The following TTLL7 variants were observed in gnomAD, a reference collection of about 807,000 sequenced individuals.
TTLL7 encodes tubulin polyglutamylase TTLL7.
In TTLL7, 53 loss-of-function variants were observed where a neutral mutation model predicts 120.2. That is an observed-to-expected ratio of 0.44 (90% CI 0.35 to 0.55). The LOEUF is 0.55. TTLL7 is among the 20% of genes least tolerant of loss of function. TTLL7 has a pLI of 0.00. For missense variants in TTLL7, 803 were observed against 1,054.7 expected (o/e 0.76, Z 3.31); for synonymous variants, 353 against 351.7 (o/e 1.00, Z -0.04).
chr1:83,977,352 C>G, intron 1 of TTLL7, among the ~76,000 whole-genome samples: 1 of 152,094 alleles, frequency 6.6e-6, no homozygotes, highest in East Asian at 1.9e-4. Context: ...TTTTAGGAAT[C>G]CAGGTGAAAC....
intron 1 of TTLL7, among the ~76,000 whole-genome samples, chr1:83,989,762 G>C (rs1470143488): frequency 6.6e-6 from 1 of 152,066 alleles, no homozygotes; most frequent in Non-Finnish European, 1.5e-5. Context: ...GACTGCTTTG[G>C]GCAGTATGGC....
At chr1:83,947,933 T>C (rs1184308416) in intron 5 of TTLL7, among the ~76,000 whole-genome samples, 3 of 152,152 alleles carry the variant, frequency 2.0e-5, no homozygotes, top group Admixed American at 1.3e-4. Context: ...CAAAAAACCC[T>C]AGTCAACAGG....
At chr1:83,892,610 ATG>A (rs1429427923) in intron 18 of TTLL7, among the ~76,000 whole-genome samples, 15 of 143,592 alleles carry the variant, frequency 1.0e-4, no homozygotes, top group African/African-American at 3.8e-4. Context: ...GAACATATAT[ATG>A]AACATATATA....
At chr1:83,933,887 C>A in intron 8 of TTLL7, 121 bp from the exon 9 acceptor site, 1 of 835,012 alleles carries the variant, frequency 1.2e-6, no homozygotes, top group East Asian at 2.6e-5. Context: ...GGCATCTAGC[C>A]CCTGCCACTG....
rs151046685 is a variant in TTLL7, at chr1:83,951,392, T to C, written c.157+453A>G. ...ATGTAATGTGTTACTTAAATTTGGG[T>C]ATTTATGTATACACAAACCCATGAG... On this transcript the variant is annotated intron_variant, in intron 3 of 20. Transcript: ENST00000260505. 2.8e-4 allele frequency among the ~76,000 whole-genome samples: 42 copies of C among 151,788 alleles called. No individual in the cohort carries two copies. The East Asian group carries it at 7.6e-3, about 27-fold the overall frequency.
chr1:83,875,261 T>A (rs1339257810), intron 20 of TTLL7, among the ~76,000 whole-genome samples: 1 of 151,954 alleles, frequency 6.6e-6, no homozygotes, highest in African/African-American at 2.4e-5. Flanking sequence ...GTTTTGCCTG[T>A]TTTTGATTTT....
At chr1:83,965,088 G>C (rs577505398) in intron 1 of TTLL7, among the ~76,000 whole-genome samples, 9 of 147,792 alleles carry the variant, frequency 6.1e-5, no homozygotes, top group Admixed American at 4.1e-4. Flanking sequence ...TTCTGAAAGA[G>C]GTCATCAATC....
intron 1 of TTLL7, among the ~76,000 whole-genome samples, chr1:83,962,590 C>T (rs1183763216): frequency 3.3e-5 from 5 of 152,106 alleles, no homozygotes; most frequent in Non-Finnish European, 5.9e-5. Flanking sequence ...TAATAAAACA[C>T]CTATTCCATT....
Position 83,919,689 on chromosome 1 carries a change from A to G in TTLL7, c.1500+10T>C. ...TTCTTTTTTCTCTATATAAACATTC[A>G]TTCTCTTACCTTCATCCTTTTCAAA... On this transcript the variant is annotated intron_variant, in intron 13 of 20. Coordinates refer to ENST00000260505, the MANE Select transcript of TTLL7 (RefSeq NM_024686.6). 6.2e-7 allele frequency: 1 copy of G among 1,605,008 alleles called. No homozygotes were observed. Among genetic ancestry groups the G allele is most frequent in the African/African-American group, 1.3e-5 (1 of 74,468 alleles).
At chr1:83,880,095 T>C (rs1162485994) in intron 20 of TTLL7, 1 of 152,000 alleles carries the variant, frequency 6.6e-6, no homozygotes, top group African/African-American at 2.4e-5. Context: ...AGAAGGCTCT[T>C]CATTTATATG....
chr1:83,995,743 A>G (rs1353974612), intron 1 of TTLL7, among the ~76,000 whole-genome samples: 6 of 152,136 alleles, frequency 3.9e-5, no homozygotes, highest in Non-Finnish European at 8.8e-5. Flanking sequence ...CAGAAATTTT[A>G]TTTCTGAGAC....
intron 1 of TTLL7, among the ~76,000 whole-genome samples, chr1:83,952,605 C>T (rs1273735408): frequency 6.6e-6 from 1 of 152,086 alleles, no homozygotes; most frequent in African/African-American, 2.4e-5. Flanking sequence ...TATTAAGTCA[C>T]GTGTCACATG....
chr1:83,925,583 A>G (rs1015204733), intron 10 of TTLL7, among the ~76,000 whole-genome samples: 1 of 152,220 alleles, frequency 6.6e-6, no homozygotes, highest in Non-Finnish European at 1.5e-5. Flanking sequence ...ATAAAGTGAT[A>G]GTCAGAAATT....
At position 83,906,312 on chromosome 1, in the gene TTLL7, A is replaced by C. The variant is rs200001854; in HGVS notation, c.2127+17T>G. 2 of 1,601,688 alleles carry C rather than the reference A, an allele frequency of 1.2e-6. No homozygotes were observed. Among genetic ancestry groups the C allele is most frequent in the South Asian group, 1.1e-5 (1 of 88,658 alleles). On this transcript the variant is annotated intron_variant, in intron 17 of 20. Transcript: ENST00000260505. ...AGGTACCAGCTCCTTGGCATTTTAGATACATCACATACTCACATCTTCTAT... is the reference window on the plus strand; with the variant it reads ...AGGTACCAGCTCCTTGGCATTTTAGCTACATCACATACTCACATCTTCTAT...
chr1:83,921,325 A>C lies in TTLL7; in HGVS notation c.1212T>G (p.Asn404Lys). 1 of 1,612,728 alleles carries C rather than the reference A, an allele frequency of 6.2e-7. No individual in the cohort carries two copies. The highest frequency in any genetic ancestry group is 8.5e-7 in the Non-Finnish European group (1 of 1,179,768). The change falls in exon 11 of 21, where the codon AAT becomes AAG. Residue 404 changes from asparagine to lysine, a missense_variant. Physicochemically the swap from Asn to Lys is moderately conservative, Grantham distance 94. Coordinates refer to ENST00000260505, the MANE Select transcript of TTLL7 (RefSeq NM_024686.6). ...AEAQRRLYGQ[N>K]SIKRLLPGSS... ...AGCCTGGTAAGAGCCTTTTAATTGA[A>C]TTTTGACCATAGAGCCTCCTTTGAG...
intron 5 of TTLL7, 196 bp from the exon 6 acceptor site, chr1:83,947,478 C>G: frequency 2.2e-6 from 1 of 448,594 alleles, no homozygotes; most frequent in South Asian, 3.8e-5. Flanking sequence ...ACTATGGATT[C>G]ATCAGTGAAA....
intron 1 of TTLL7, among the ~76,000 whole-genome samples, chr1:83,968,775 T>C (rs940319304): frequency 1.3e-5 from 2 of 152,030 alleles, no homozygotes; most frequent in Non-Finnish European, 2.9e-5. Flanking sequence ...AAATAGAATT[T>C]TCCTTCACCA....
intron 18 of TTLL7, among the ~76,000 whole-genome samples, chr1:83,896,832 A>G (rs1216518879): frequency 6.6e-6 from 1 of 152,112 alleles, no homozygotes; most frequent in African/African-American, 2.4e-5. Flanking sequence ...ACATCAGATA[A>G]TAAGCTTTTC....
intron 1 of TTLL7, among the ~76,000 whole-genome samples, chr1:83,961,816 G>C (rs942849): frequency 6.6e-6 from 1 of 151,840 alleles, no homozygotes; most frequent in African/African-American, 2.4e-5. Context: ...AATATGTGAC[G>C]TAATCAGTTA....
Sources: gnomAD v4.1 joint callset for allele counts (sites outside exome capture counted in the v4.1 genomes callset) on GRCh38, gnomAD v4.1.1 for gene constraint, MANE v1.5 for transcripts, NCBI Gene and HGNC (gene_info 2026-07-23, HGNC 2026-07-21) for gene names.